Variants in NFASC observed in about 807,000 individuals in gnomAD.
NFASC encodes the protein neurofascin homolog.
Under a neutral mutation model 147.5 loss-of-function variants are expected in NFASC, and 43 were observed. The ratio of observed to expected loss-of-function variants is 0.29; its 90% CI spans 0.23 to 0.38. The LOEUF is 0.38. NFASC is among the 10% of genes least tolerant of loss of function. The pLI, the probability that NFASC is intolerant of heterozygous loss-of-function variation, is 1.00. For synonymous variants in NFASC, 622 were observed against 665.5 expected, an observed-to-expected ratio of 0.93 and a Z score of 1.01; for missense variants, 1,320 against 1,689.0, an observed-to-expected ratio of 0.78 and a Z score of 3.83.
Position 204,979,088 on chromosome 1 carries a change from C to T in NFASC, c.1978+19C>T. 1 of 1,538,020 alleles carries T rather than the reference C, an allele frequency of 6.5e-7. No individual in the cohort carries two copies. Among genetic ancestry groups the T allele is most frequent in the Non-Finnish European group, 8.8e-7 (1 of 1,135,610 alleles). On this transcript the variant is annotated intron_variant, in intron 18 of 29. Transcript: ENST00000339876. The surrounding 1 kb of genome is among the most constrained non-coding windows in gnomAD (Gnocchi z 6.0). ...ATCACAGGTAGCTCAGGGCCTTGCA[C>T]CCCAAAGCTGGAAAAGAGGGACGGC...
At chr1:204,930,408 G>A (rs888241127) in intron 2 of NFASC, among the ~76,000 whole-genome samples, 4 of 152,164 alleles carry the variant, frequency 2.6e-5, no homozygotes, top group Non-Finnish European at 4.4e-5. Context: ...GATCTATCCC[G>A]TGTTATAGCA....
chr1:204,903,732 A>T (rs2085164761), intron 1 of NFASC, among the ~76,000 whole-genome samples: 1 of 152,160 alleles, frequency 6.6e-6, no homozygotes, highest in Admixed American at 6.5e-5. Flanking sequence ...TTTGTCTCTG[A>T]CTCATGGCAT....
chr1:205,001,313 T>TGGCGGCAGCGGCGTC lies in NFASC; in HGVS notation c.3136+31_3136+45dup, dbSNP rs752378103. ...TAAGCATTGCTGTGCGGGGTGGTGG[T>TGGCGGCAGCGGCGTC]GGCGGCAGCGGCGTCGGCAGCAGCG... On this transcript the variant is annotated intron_variant, in intron 26 of 29. Transcript: ENST00000339876. The TGGCGGCAGCGGCGTC allele has an allele frequency of 4.7e-6, 7 of 1,495,508 alleles. No homozygotes were observed. The East Asian group carries it at 1.6e-4, about 34-fold the overall frequency. 92.6% of individuals were successfully genotyped at this position (1,495,508 alleles called of 1,614,324 possible).
At chr1:204,873,367 C>CTAGGA (rs1309887089) in intron 1 of NFASC, among the ~76,000 whole-genome samples, 47 of 152,294 alleles carry the variant, frequency 3.1e-4, no homozygotes, top group African/African-American at 1.1e-3. Flanking sequence ...CTGGGTACAC[C>CTAGGA]AAGTACCTGG....
At chr1:204,910,229 A>G (rs1251670930) in intron 1 of NFASC, among the ~76,000 whole-genome samples, 3 of 152,138 alleles carry the variant, frequency 2.0e-5, no homozygotes, top group African/African-American at 7.2e-5. Context: ...AGGCCTCTCC[A>G]TTTATGTAGA....
At chr1:204,977,577 C>T (rs930666896) in intron 16 of NFASC, 104 bp from the exon 17 acceptor site, 2 of 1,037,990 alleles carry the variant, frequency 1.9e-6, no homozygotes, top group African/African-American at 3.1e-5. Flanking sequence ...AACACCTCAG[C>T]CCAGAGGCAG....
At chr1:204,886,925 G>A (rs1381111708) in intron 1 of NFASC, among the ~76,000 whole-genome samples, 1 of 152,026 alleles carries the variant, frequency 6.6e-6, no homozygotes, top group Non-Finnish European at 1.5e-5. Flanking sequence ...ACTGTGTCAT[G>A]ATTTTTATTT....
chr1:204,875,489 C>T (rs1282205933), intron 1 of NFASC, among the ~76,000 whole-genome samples: 1 of 152,164 alleles, frequency 6.6e-6, no homozygotes, highest in Non-Finnish European at 1.5e-5. Context: ...CTGGAGGTGC[C>T]TGAGTCATAC....
intron 1 of NFASC, among the ~76,000 whole-genome samples, chr1:204,846,215 A>G (rs1267602722): frequency 6.7e-6 from 1 of 149,272 alleles, no homozygotes; most frequent in East Asian, 2.0e-4. Flanking sequence ...AAAAAAAAAG[A>G]GGGCCAGGGA....
chr1:204,951,328 T>G (rs1204552940), intron 4 of NFASC, among the ~76,000 whole-genome samples: 1 of 149,180 alleles, frequency 6.7e-6, no homozygotes, highest in African/African-American at 2.5e-5. Context: ...TTTTTTTTTT[T>G]TTTTTTTTTA....
At chr1:204,853,694 T>TGC (rs1348184152) in intron 1 of NFASC, among the ~76,000 whole-genome samples, 2 of 152,198 alleles carry the variant, frequency 1.3e-5, no homozygotes, top group Admixed American at 1.3e-4. Flanking sequence ...CCCCCTATAT[T>TGC]GCACTGAACT....
chr1:204,933,208 T>C (rs1275789194), intron 2 of NFASC, among the ~76,000 whole-genome samples: 1 of 152,140 alleles, frequency 6.6e-6, no homozygotes, highest in Non-Finnish European at 1.5e-5. Flanking sequence ...AATAGCAGCA[T>C]GGAGAATGGA....
intron 1 of NFASC, among the ~76,000 whole-genome samples, chr1:204,864,203 T>TATA (rs2076933918): frequency 6.6e-6 from 1 of 152,238 alleles, no homozygotes; most frequent in Non-Finnish European, 1.5e-5. Flanking sequence ...ACTTCATTCT[T>TATA]TTTTATTGCT....
chr1:204,998,469 G>A (rs922721869), intron 25 of NFASC: 6 of 152,344 alleles, frequency 3.9e-5, no homozygotes, highest in African/African-American at 1.2e-4. Context: ...AATGAGGATG[G>A]AGGCTTAATA....
chr1:204,903,714 G>A (rs11803913), intron 1 of NFASC, among the ~76,000 whole-genome samples: 10,467 of 152,194 alleles, frequency 0.069, 381 homozygotes, highest in Middle Eastern at 0.13. Flanking sequence ...CATGTTGACC[G>A]GTACAAATTT....
chr1:204,878,200 A>G (rs1251554376), intron 1 of NFASC, among the ~76,000 whole-genome samples: 1 of 152,160 alleles, frequency 6.6e-6, no homozygotes, highest in Non-Finnish European at 1.5e-5. Flanking sequence ...AGCACTAAAA[A>G]CTTCACCTTC....
intron 2 of NFASC, 82 bp from the exon 3 acceptor site, chr1:204,944,144 G>C: frequency 7.9e-7 from 1 of 1,266,608 alleles, no homozygotes; most frequent in South Asian, 1.3e-5. Context: ...GGGGCTCTTC[G>C]GTCCTCCAAA....
At position 204,864,712 on chromosome 1, in the gene NFASC, T is replaced by G. The variant is rs571715788; in HGVS notation, c.-200+35930T>G. ...ATGTCTGTTCAAAGTTCCTTGCTGT[T>G]TTTAAATTGGCTTTTGGTCTTTTGT... On this transcript the variant is annotated intron_variant, in intron 1 of 29. Transcript: ENST00000339876. Among the ~76,000 whole-genome samples, 20 of 152,320 alleles carry G rather than the reference T, an allele frequency of 1.3e-4. No individual in the cohort carries two copies. In the South Asian group the frequency reaches 4.1e-3, roughly 32 times the overall value.
At chr1:204,888,354 G>A (rs1360844405) in intron 1 of NFASC, among the ~76,000 whole-genome samples, 1 of 152,136 alleles carries the variant, frequency 6.6e-6, no homozygotes, top group African/African-American at 2.4e-5. Flanking sequence ...CCTAGAATTG[G>A]GCAATACCTC....
Sources: gnomAD v4.1 joint callset for allele counts (sites outside exome capture counted in the v4.1 genomes callset) on GRCh38, gnomAD v4.1.1 for gene constraint, Gnocchi (gnomAD v3.1) non-coding constraint, MANE v1.5 for transcripts, NCBI Gene and HGNC (gene_info 2026-07-23, HGNC 2026-07-21) for gene names.